The following ST3GAL1 variants were observed in gnomAD, a reference collection of about 807,000 sequenced individuals.
ST3GAL1 encodes CMP-N-acetylneuraminate-beta-galactosamide-alpha-2,3-sialyltransferase 1.
ST3GAL1 carries 16 observed loss-of-function variants against 34.1 expected under a neutral mutation model. The observed-to-expected ratio is 0.47, with a 90% CI of 0.32 to 0.71. ST3GAL1 has a LOEUF of 0.71. Ranked by LOEUF, ST3GAL1 falls within the 30% of genes least tolerant of loss-of-function variation. ST3GAL1 has a pLI of 0.04. For synonymous variants in ST3GAL1, 191 were observed against 184.7 expected (o/e 1.03, Z -0.28); for missense variants, 353 against 447.4 (o/e 0.79, Z 1.90).
intron 2 of ST3GAL1, chr8:133,516,195 C>T (rs1817642369): frequency 1.3e-5 from 2 of 152,294 alleles, no homozygotes; most frequent in African/African-American, 4.8e-5. Context: ...CTGATCCTCC[C>T]TGCTATGCCT....
chr8:133,543,392 A>G (rs1333832877), intron 2 of ST3GAL1, among the ~76,000 whole-genome samples: 2 of 152,218 alleles, frequency 1.3e-5, no homozygotes, highest in Non-Finnish European at 2.9e-5. Context: ...AAGGTTAGAT[A>G]ATAGTCAAAT....
chr8:133,479,932 C>T lies in ST3GAL1; in HGVS notation c.-373-3332G>A, dbSNP rs112343952. Among the ~76,000 whole-genome samples, 570 of 152,330 alleles carry T rather than the reference C, an allele frequency of 3.7e-3. 3 individuals are homozygous for T. Among genetic ancestry groups the T allele is most frequent in the African/African-American group, 0.013 (528 of 41,572 alleles). ...AGAAACCAGGACTGCATGTCTTCTC[C>T]GTGCTCTAGCAAGCGTGGGGCAGCC... is the stretch of plus-strand genomic sequence containing the variant. On this transcript the variant is annotated intron_variant, in intron 3 of 9. Transcript: ENST00000522652.
chr8:133,535,629 T>G (rs1818288168), intron 2 of ST3GAL1, among the ~76,000 whole-genome samples: 1 of 151,636 alleles, frequency 6.6e-6, no homozygotes, highest in Non-Finnish European at 1.5e-5. Flanking sequence ...GGACTATAGA[T>G]GCACATGCAC....
chr8:133,527,912 C>T (rs985562484), intron 2 of ST3GAL1, among the ~76,000 whole-genome samples: 3 of 151,940 alleles, frequency 2.0e-5, no homozygotes, highest in Non-Finnish European at 2.9e-5. Flanking sequence ...TGGTGGCTCA[C>T]GCCTATAATC....
Position 133,512,587 on chromosome 8 carries a change from G to C in ST3GAL1, c.-428-13398C>G, listed in dbSNP as rs551405266. ...TAAGCATCACACATACCATCATCTC[G>C]GAGGCCATTGAAAGGTGAAGGGCCT... On this transcript the variant is annotated intron_variant, in intron 2 of 9. Transcript: ENST00000522652. Among the ~76,000 whole-genome samples, 3 of 152,174 alleles carry C rather than the reference G, an allele frequency of 2.0e-5. No individual in the cohort carries two copies. The East Asian group carries it at 5.8e-4, about 29-fold the overall frequency.
At chr8:133,480,647 A>G (rs1180905428) in intron 3 of ST3GAL1, among the ~76,000 whole-genome samples, 2 of 152,310 alleles carry the variant, frequency 1.3e-5, no homozygotes, top group African/African-American at 2.4e-5. Flanking sequence ...GAAATGAAAA[A>G]CTAAAACCCA....
At chr8:133,513,894 G>A (rs1257095506) in intron 2 of ST3GAL1, among the ~76,000 whole-genome samples, 1 of 149,976 alleles carries the variant, frequency 6.7e-6, no homozygotes, top group Non-Finnish European at 1.5e-5. Flanking sequence ...GCAAGACTCT[G>A]TCTGGAAAAA....
In ST3GAL1 at chr8:133,455,913, C is replaced by T. The variant is rs552712994; in HGVS notation, c.*3851G>A. 6.6e-6 allele frequency: 1 copy of T among 152,356 alleles called. No individual in the cohort carries two copies. The highest frequency in any genetic ancestry group is 1.9e-4 in the East Asian group (1 of 5,178). 9.4% of individuals were successfully genotyped at this position (152,356 alleles called of 1,614,324 possible). On this transcript the variant is annotated 3_prime_UTR_variant, in exon 10 of 10. Coordinates refer to ENST00000522652, the MANE Select transcript of ST3GAL1 (RefSeq NM_173344.3). Reference sequence around the variant, plus strand: ...AGGGTCACATCCAAGTGGGACTGGCCTCTAGCACCACCTTCTGGCCACAGC... The same window carrying T: ...AGGGTCACATCCAAGTGGGACTGGCTTCTAGCACCACCTTCTGGCCACAGC...
chr8:133,539,527 A>C (rs973119281), intron 2 of ST3GAL1: 15 of 152,200 alleles, frequency 9.9e-5, no homozygotes, highest in African/African-American at 3.1e-4. Flanking sequence ...AAATTGTATA[A>C]GCTTCAGGAC....
intron 1 of ST3GAL1, among the ~76,000 whole-genome samples, chr8:133,564,486 C>T (rs972809600): frequency 6.7e-6 from 1 of 149,904 alleles, no homozygotes; most frequent in Non-Finnish European, 1.5e-5. Context: ...GTCATTCTCT[C>T]CTTTGGCACT....
At position 133,461,867 on chromosome 8, in the gene ST3GAL1, T is replaced by A. The variant is rs570360222; in HGVS notation, c.849+8A>T. On this transcript the variant is annotated splice_region_variant and intron_variant, in intron 9 of 9. Transcript: ENST00000522652. The surrounding 1 kb of genome is among the most constrained non-coding windows in gnomAD (Gnocchi z 4.7). ...GGCAGCCCTGTGGGCAGGGGGAGGG[T>A]GGCATACCTCATCGCAGACATGCAT... 6.2e-6 allele frequency: 10 copies of A among 1,613,456 alleles called. No individual in the cohort carries two copies. The highest frequency in any genetic ancestry group is 8.5e-6 in the Non-Finnish European group (10 of 1,179,816).
At chr8:133,482,498 T>C (rs1816432554) in intron 3 of ST3GAL1, among the ~76,000 whole-genome samples, 1 of 152,210 alleles carries the variant, frequency 6.6e-6, no homozygotes, top group East Asian at 1.9e-4. Context: ...GGCTGGAAAG[T>C]TGCAGCTGCA....
At position 133,466,568 on chromosome 8, in the gene ST3GAL1, G is replaced by T. The variant is rs934192554; in HGVS notation, c.307-478C>A. ...CCTGCTCAGACACCAGGGCCCAGGGGTTGCGTGCTCCCGCTCAAGCCTTAA... is the reference window on the plus strand; with the variant it reads ...CCTGCTCAGACACCAGGGCCCAGGGTTTGCGTGCTCCCGCTCAAGCCTTAA... On this transcript the variant is annotated intron_variant, in intron 5 of 9. Coordinates refer to ENST00000522652, the MANE Select transcript of ST3GAL1 (RefSeq NM_173344.3). This position sits in a 1 kb window ranked among gnomAD's most constrained non-coding sequence, Gnocchi z 4.4. Among the ~76,000 whole-genome samples the T allele has an allele frequency of 6.6e-6, 1 of 152,232 alleles. No individual in the cohort carries two copies. Among genetic ancestry groups the T allele is most frequent in the Non-Finnish European group, 1.5e-5 (1 of 68,042 alleles).
chr8:133,511,187 T>C (rs954915938), intron 2 of ST3GAL1, among the ~76,000 whole-genome samples: 1 of 152,204 alleles, frequency 6.6e-6, no homozygotes, highest in East Asian at 1.9e-4. Context: ...ATTTTAAAAA[T>C]TCTTGTCCAG....
Position 133,562,841 on chromosome 8 carries a change from C to CCTTT in ST3GAL1, c.-582+8848_-582+8851dup, listed in dbSNP as rs1554621251. Among the ~76,000 whole-genome samples the CCTTT allele has an allele frequency of 6.8e-3, 561 of 82,474 alleles. 14 individuals carry two copies. Among genetic ancestry groups the CCTTT allele is most frequent in the African/African-American group, 0.024 (533 of 22,440 alleles). 54.1% of individuals were successfully genotyped at this position (82,474 alleles called of 152,430 possible). On this transcript the variant is annotated intron_variant, in intron 1 of 9. Transcript: ENST00000522652. ...TCCTTCCTTCCTTCCTTCCTTCCTT[C>CCTTT]CTTTCTTTCTTTTTTTTTTTTTTTT...
In ST3GAL1 at chr8:133,464,892, A is replaced by C. The variant is rs1815671697; in HGVS notation, c.569T>G (p.Val190Gly). The change falls in exon 7 of 10, where the codon GTG (valine) becomes GGG (glycine). Residue 190 changes from valine (V) to glycine (G), a missense_variant. Physicochemically the swap from Val to Gly is moderately radical, Grantham distance 109. Transcript: ENST00000522652. ...CAGCTCCCGGAAGCTCTCAGGGTAC[A>C]CCAGATGGTGGGTGGTCTTGGTCCC... ...DVGTKTTHHL[V>G]YPESFRELGD... The C allele has an allele frequency of 6.2e-7, 1 of 1,614,040 alleles. No homozygotes were observed. Among genetic ancestry groups the C allele is most frequent in the Non-Finnish European group, 8.5e-7 (1 of 1,179,972 alleles).
intron 3 of ST3GAL1, among the ~76,000 whole-genome samples, chr8:133,479,337 G>C (rs140165050): frequency 9.5e-4 from 144 of 152,224 alleles, no homozygotes; most frequent in Admixed American, 2.0e-3. Flanking sequence ...AGGAGTGGGT[G>C]GGGGGTGAGG....
rs1257627055 is a variant in ST3GAL1, at chr8:133,456,050, T to C, written c.*3714A>G. On this transcript the variant is annotated 3_prime_UTR_variant, in exon 10 of 10. Transcript: ENST00000522652. The stretch of plus-strand genomic sequence containing the variant: ...TTTTTTTCCCTCCTATTTTACATTC[T>C]ATTTTCTCATATCCAGCTTTTCTCT... The C allele has an allele frequency of 6.6e-6, 1 of 152,062 alleles. No homozygotes were observed. Among genetic ancestry groups the C allele is most frequent in the East Asian group, 1.9e-4 (1 of 5,176 alleles). The allele number at this position is 152,062 out of a possible 1,614,324, so 9.4% of individuals were successfully genotyped here. A position where few individuals can be genotyped will look rare whatever the true frequency, so the allele number is the denominator to read the frequency against.
chr8:133,484,889 C>A (rs1489747629), intron 3 of ST3GAL1, among the ~76,000 whole-genome samples: 6 of 152,218 alleles, frequency 3.9e-5, no homozygotes, highest in Non-Finnish European at 5.9e-5. Flanking sequence ...CTTAACCCTC[C>A]CTGCTCCCTG....
Sources: allele counts gnomAD v4.1 joint callset (sites outside exome capture counted in the v4.1 genomes callset), GRCh38; gene constraint gnomAD v4.1.1; non-coding constraint Gnocchi (gnomAD v3.1); transcripts MANE v1.5; gene names NCBI Gene and HGNC (gene_info 2026-07-23, HGNC 2026-07-21).